The following ZNF827 variants were observed in gnomAD, a reference collection of about 807,000 sequenced individuals.
ZNF827 encodes zinc finger protein 827.
Under a neutral mutation model 102.4 loss-of-function variants are expected in ZNF827, and 13 were observed. The ratio of observed to expected loss-of-function variants is 0.13; its 90% CI spans 0.08 to 0.20. ZNF827 has a LOEUF of 0.20. Ranked by LOEUF, ZNF827 falls within the 10% of genes least tolerant of loss-of-function variation. ZNF827 has a pLI of 1.00. For missense variants in ZNF827, 1,103 were observed against 1,344.4 expected (o/e 0.82, Z 2.81); for synonymous variants, 523 against 536.2 (o/e 0.98, Z 0.34).
chr4:145,780,981 G>T (rs916331211), intron 8 of ZNF827, among the ~76,000 whole-genome samples: 8 of 152,146 alleles, frequency 5.3e-5, no homozygotes, highest in Admixed American at 2.6e-4. Context: ...GGGATCACAA[G>T]GTCAGAAGAT....
intron 7 of ZNF827, among the ~76,000 whole-genome samples, chr4:145,841,062 C>A (rs1301979684): frequency 6.6e-6 from 1 of 152,160 alleles, no homozygotes; most frequent in Non-Finnish European, 1.5e-5. Flanking sequence ...GCTTTTGGAA[C>A]AAAGCAAGCC....
At chr4:145,885,644 G>C in intron 4 of ZNF827, 34 bp downstream of exon 4, 1 of 1,496,120 alleles carries the variant, frequency 6.7e-7, no homozygotes, top group Non-Finnish European at 8.9e-7. Flanking sequence ...GAGAGAGAGA[G>C]AGAGAGAGAG....
intron 11 of ZNF827, among the ~76,000 whole-genome samples, chr4:145,768,172 C>T (rs1225753379): frequency 2.0e-5 from 3 of 152,086 alleles, no homozygotes; most frequent in African/African-American, 7.2e-5. Flanking sequence ...TAAAGATGTA[C>T]TCTTTTTTTG....
intron 8 of ZNF827, among the ~76,000 whole-genome samples, chr4:145,785,636 C>G (rs1245233762): frequency 6.6e-6 from 1 of 152,188 alleles, no homozygotes; most frequent in Non-Finnish European, 1.5e-5. Flanking sequence ...GAACGATCAT[C>G]TTGTTCAATG....
At chr4:145,835,497 T>A (rs1220228356) in intron 7 of ZNF827, among the ~76,000 whole-genome samples, 1 of 150,582 alleles carries the variant, frequency 6.6e-6, no homozygotes, top group Non-Finnish European at 1.5e-5. Context: ...CCTGCCCAGT[T>A]CCCTTATTAG....
At chr4:145,896,615 G>A (rs918564573) in intron 2 of ZNF827, among the ~76,000 whole-genome samples, 10 of 152,190 alleles carry the variant, frequency 6.6e-5, no homozygotes, top group Non-Finnish European at 1.5e-4. Context: ...AGAAATGAAA[G>A]GAAAAGACGC....
At chr4:145,769,122 G>A (rs984503255) in intron 11 of ZNF827, among the ~76,000 whole-genome samples, 2 of 151,496 alleles carry the variant, frequency 1.3e-5, no homozygotes, top group Admixed American at 6.6e-5. Context: ...ACTGCACTTA[G>A]GGTCCAGGGC....
chr4:145,926,165 CT>C (rs1389686836), intron 1 of ZNF827, among the ~76,000 whole-genome samples: 1 of 152,178 alleles, frequency 6.6e-6, no homozygotes. Flanking sequence ...TCAATTAGTG[CT>C]GGTGAAATGA....
At chr4:145,930,316 GC>G (rs1380296719) in intron 1 of ZNF827, among the ~76,000 whole-genome samples, 1 of 152,116 alleles carries the variant, frequency 6.6e-6, no homozygotes, top group African/African-American at 2.4e-5. Context: ...TCCTTTGAAG[GC>G]CAGCTTCTTC....
At chr4:145,883,080 G>A (rs957094046) in intron 4 of ZNF827, among the ~76,000 whole-genome samples, 7 of 149,466 alleles carry the variant, frequency 4.7e-5, no homozygotes, top group Admixed American at 2.7e-4. Flanking sequence ...AAAAAAAATC[G>A]CTCTAGAAAA....
chr4:145,835,316 T>G (rs932999418), intron 7 of ZNF827: 3 of 152,056 alleles, frequency 2.0e-5, no homozygotes, highest in Admixed American at 6.5e-5. Context: ...CCCTTCTTAA[T>G]CAATTCGGAG....
intron 5 of ZNF827, among the ~76,000 whole-genome samples, chr4:145,855,997 A>ATT (rs1006447450): frequency 1.4e-5 from 2 of 141,652 alleles, no homozygotes; most frequent in African/African-American, 5.2e-5. Flanking sequence ...GACAAGCTTT[A>ATT]TTTTTTTTTT....
chr4:145,819,968 C>G (rs995288608), intron 8 of ZNF827: 6 of 152,232 alleles, frequency 3.9e-5, no homozygotes, highest in Non-Finnish European at 8.8e-5. Context: ...CTGTGAGTTT[C>G]AGATGCCATC....
chr4:145,813,112 T>G (rs538247978), intron 8 of ZNF827, among the ~76,000 whole-genome samples: 2 of 152,244 alleles, frequency 1.3e-5, no homozygotes, highest in Non-Finnish European at 2.9e-5. Flanking sequence ...GCTCCTGACA[T>G]CTATCAACAT....
chr4:145,793,355 A>G (rs1229008491), intron 8 of ZNF827, among the ~76,000 whole-genome samples: 9 of 144,668 alleles, frequency 6.2e-5, no homozygotes, highest in African/African-American at 1.8e-4. Context: ...AGAGGAGTTT[A>G]TTAAGTTTTA....
chr4:145,914,530 G>C (rs182700786), intron 1 of ZNF827, among the ~76,000 whole-genome samples: 1 of 152,150 alleles, frequency 6.6e-6, no homozygotes, highest in African/African-American at 2.4e-5. Flanking sequence ...TTGTGCCAGG[G>C]CTGCTATCAA....
At chr4:145,871,489 C>G (rs1384018888) in intron 4 of ZNF827, among the ~76,000 whole-genome samples, 2 of 152,154 alleles carry the variant, frequency 1.3e-5, no homozygotes, top group Admixed American at 6.6e-5. Flanking sequence ...GACAAGCACC[C>G]TCTTCCTACT....
chr4:145,775,128 T>C (rs771015202), intron 10 of ZNF827, among the ~76,000 whole-genome samples: 4 of 152,108 alleles, frequency 2.6e-5, no homozygotes, highest in Non-Finnish European at 5.9e-5. Context: ...CTACAGTTTG[T>C]TGTATGGCAC....
intron 2 of ZNF827, among the ~76,000 whole-genome samples, chr4:145,893,552 T>C (rs1182468512): frequency 6.6e-6 from 1 of 152,202 alleles, no homozygotes; most frequent in African/African-American, 2.4e-5. Flanking sequence ...GGTAATTCTA[T>C]TTTTGTTTTC....
Sources: gnomAD v4.1 joint callset for allele counts (sites outside exome capture counted in the v4.1 genomes callset) on GRCh38, gnomAD v4.1.1 for gene constraint, MANE v1.5 for transcripts, NCBI Gene and HGNC (gene_info 2026-07-23, HGNC 2026-07-21) for gene names.